Variants in C8orf76 observed in about 807,000 individuals in gnomAD.
C8orf76 encodes uncharacterized protein C8orf76.
C8orf76 carries 46 observed loss-of-function variants against 38.1 expected under a neutral mutation model. That is an observed-to-expected ratio of 1.21 (90% confidence interval 0.95 to 1.54). The LOEUF (loss-of-function observed/expected upper bound fraction) is 1.54, where lower values mean the gene tolerates loss of function less well. Ranked by LOEUF, C8orf76 falls within the 40% of genes most tolerant of loss-of-function variation. C8orf76 has a pLI of 0.00. For synonymous variants in C8orf76, 166 were observed against 167.5 expected (o/e 0.99, Z 0.07); for missense variants, 461 against 441.6 (o/e 1.04, Z -0.39).
Position 123,231,775 on chromosome 8 carries a change from A to C in C8orf76, c.358-18T>G. On this transcript the variant is annotated intron_variant, in intron 3 of 5. Transcript: ENST00000276704. ...TTATTTTCCTAAGGAGAAAAAAAAAAGGTTAAGAAGTTTAAACTTCAAAGC... is the reference window on the plus strand; with the variant it reads ...TTATTTTCCTAAGGAGAAAAAAAAACGGTTAAGAAGTTTAAACTTCAAAGC... The C allele has an allele frequency of 6.5e-7, 1 of 1,538,658 alleles. No homozygotes were observed. The highest frequency in any genetic ancestry group is 8.7e-7 in the Non-Finnish European group (1 of 1,154,492).
intron 4 of C8orf76, 108 bp downstream of exon 4, chr8:123,231,192 A>G (rs1825254814): frequency 7.3e-7 from 1 of 1,378,628 alleles, no homozygotes; most frequent in Non-Finnish European, 9.6e-7. Context: ...AAATTTCAAA[A>G]ATATATACCA....
intron 3 of C8orf76, chr8:123,236,803 G>C: frequency 1.8e-6 from 1 of 555,204 alleles, no homozygotes; most frequent in Non-Finnish European, 3.3e-6. Flanking sequence ...AAAAAAGAAA[G>C]AAAAATTCCC....
intron 1 of C8orf76, among the ~76,000 whole-genome samples, chr8:123,240,636 G>A (rs1432782632): frequency 2.6e-5 from 4 of 152,212 alleles, no homozygotes; most frequent in African/African-American, 9.6e-5. Context: ...TTAGCACTCC[G>A]GGTCTCAGGA....
chr8:123,221,699 G>T (rs1824898314), intron 5 of C8orf76, among the ~76,000 whole-genome samples: 1 of 152,190 alleles, frequency 6.6e-6, no homozygotes, highest in African/African-American at 2.4e-5. Flanking sequence ...GCCTCCCAAA[G>T]TGCTGGGATT....
At chr8:123,225,768 T>C (rs773468620) in intron 5 of C8orf76, among the ~76,000 whole-genome samples, 1 of 151,806 alleles carries the variant, frequency 6.6e-6, no homozygotes, top group African/African-American at 2.4e-5. Context: ...CTACTAAAAA[T>C]ACAAAAATTA....
chr8:123,234,589 T>C (rs961734456), intron 3 of C8orf76, among the ~76,000 whole-genome samples: 6 of 151,956 alleles, frequency 3.9e-5, no homozygotes, highest in African/African-American at 1.2e-4. Context: ...GACAACATGA[T>C]GAAACCCCGT....
intron 1 of C8orf76, 104 bp downstream of exon 1, chr8:123,241,126 A>C (rs1344828647): frequency 1.7e-6 from 2 of 1,186,194 alleles, no homozygotes; most frequent in Non-Finnish European, 2.2e-6. Flanking sequence ...GGAGCCTGCC[A>C]GGGTTTGCGT....
chr8:123,241,160 C>G (rs1825672089), intron 1 of C8orf76, 70 bp downstream of exon 1: 2 of 1,440,396 alleles, frequency 1.4e-6, no homozygotes, highest in Admixed American at 2.7e-5. Flanking sequence ...GGGGCCGAGG[C>G]CGGGGCCGGG....
intron 1 of C8orf76, among the ~76,000 whole-genome samples, chr8:123,240,534 T>C (rs1250167489): frequency 2.6e-5 from 4 of 152,236 alleles, no homozygotes; most frequent in Non-Finnish European, 4.4e-5. Context: ...AGTAATACTC[T>C]ACTAATTCAA....
chr8:123,222,877 G>C (rs543710392), intron 5 of C8orf76, among the ~76,000 whole-genome samples: 5 of 152,156 alleles, frequency 3.3e-5, no homozygotes, highest in Non-Finnish European at 7.4e-5. Context: ...AAAAAACAAT[G>C]CTTTCACATA....
chr8:123,220,167 T>C lies in C8orf76; in HGVS notation c.1079A>G (p.Lys360Arg), dbSNP rs1464317203. 2.5e-6 allele frequency: 4 copies of C among 1,614,132 alleles called. No individual in the cohort carries two copies. The highest frequency in any genetic ancestry group is 1.1e-5 in the South Asian group (1 of 91,078). ...AAATGGACAGAAATGGTCTTTGATC[T>C]TTCTGAACCACTTGTCTTCAAATTC... ...SEEFEDKWFR[K>R]IKDHFCPFEN... Residue 360 changes from lysine to arginine, a missense_variant, in exon 6 of 6, where the codon AAG becomes AGG. Lys to Arg is a conservative substitution (Grantham distance 26). Transcript: ENST00000276704.
chr8:123,234,853 T>C (rs971285856), intron 3 of C8orf76, among the ~76,000 whole-genome samples: 2 of 151,466 alleles, frequency 1.3e-5, no homozygotes, highest in Non-Finnish European at 2.9e-5. Context: ...TCCCAGCTAC[T>C]TGGGTGGCTG....
In C8orf76 at chr8:123,220,215, G is replaced by T; in HGVS notation, c.1031C>A (p.Ala344Asp). ...TTCTTCTGAGGATACAGTCACCAAG[G>T]CAGTCAGGGCTACGGAGCCAACACA... Reference protein sequence around the residue: ...VKCVGSVALTALVTVSSEEFE... With the variant: ...VKCVGSVALTDLVTVSSEEFE... The change falls in exon 6 of 6, where the codon GCC (alanine) becomes GAC (aspartate). Residue 344 changes from alanine to aspartate, a missense_variant. Ala to Asp is a moderately radical substitution (Grantham distance 126, BLOSUM62 -2). Transcript: ENST00000276704. 6.2e-7 allele frequency: 1 copy of T among 1,613,682 alleles called. No homozygotes were observed. The highest frequency in any genetic ancestry group is 8.5e-7 in the Non-Finnish European group (1 of 1,179,748).
chr8:123,233,708 T>C (rs527566060), intron 3 of C8orf76, among the ~76,000 whole-genome samples: 1 of 151,280 alleles, frequency 6.6e-6, no homozygotes, highest in Admixed American at 6.6e-5. Flanking sequence ...TTTTGAGAGG[T>C]GGATTAGTAA....
intron 3 of C8orf76, among the ~76,000 whole-genome samples, chr8:123,232,877 T>C (rs571478958): frequency 1.3e-5 from 2 of 152,306 alleles, no homozygotes; most frequent in East Asian, 1.9e-4. Context: ...TCCTCGGCCA[T>C]CACAGATGTT....
intron 3 of C8orf76, chr8:123,237,143 C>A: frequency 1.2e-6 from 1 of 817,912 alleles, no homozygotes; most frequent in Non-Finnish European, 2.1e-6. Flanking sequence ...TGCCCGCCTG[C>A]ACCACCCCGT....
At chr8:123,234,220 T>G (rs987549574) in intron 3 of C8orf76, among the ~76,000 whole-genome samples, 1 of 152,026 alleles carries the variant, frequency 6.6e-6, no homozygotes, top group Non-Finnish European at 1.5e-5. Flanking sequence ...ATTTTCCTTA[T>G]GTTACAGATA....
chr8:123,228,692 C>G (rs375564220), intron 4 of C8orf76, among the ~76,000 whole-genome samples: 4 of 151,964 alleles, frequency 2.6e-5, no homozygotes, highest in East Asian at 3.8e-4. Flanking sequence ...TATTTAAAAC[C>G]TGCAAATACT....
Position 123,220,125 on chromosome 8 carries a change from G to A in C8orf76, c.1121C>T (p.Thr374Ile). 6.2e-7 allele frequency: 1 copy of A among 1,611,272 alleles called. No homozygotes were observed. The highest frequency in any genetic ancestry group is 8.5e-7 in the Non-Finnish European group (1 of 1,179,066). Residue 374 changes from threonine to isoleucine, a missense_variant, in exon 6 of 6, where the codon ACA (threonine) becomes ATA (isoleucine). By Grantham distance (89) the Thr-to-Ile change is moderately conservative (BLOSUM62 -1). Coordinates refer to ENST00000276704, the MANE Select transcript of C8orf76 (RefSeq NM_032847.3). ...CCACTAAGCCAAGATTTGTATCTCT[G>A]TATGGAACTGATTTTCAAATGGACA... ...HFCPFENQFH[T>I]EIQILA
Sources: gnomAD v4.1 joint callset for allele counts (sites outside exome capture counted in the v4.1 genomes callset) on GRCh38, gnomAD v4.1.1 for gene constraint, MANE v1.5 for transcripts, NCBI Gene and HGNC (gene_info 2026-07-23, HGNC 2026-07-21) for gene names.